Variants in PIK3R3 observed in about 807,000 individuals in gnomAD.
The protein encoded by PIK3R3 is phosphoinositide-3-kinase regulatory subunit 3.
PIK3R3 carries 64 observed loss-of-function variants against 62.9 expected under a neutral mutation model. The observed-to-expected ratio is 1.02, with a 90% confidence interval of 0.83 to 1.25. The LOEUF is 1.25. Among genes scored for constraint, PIK3R3 ranks in the 50% most tolerant of loss-of-function variants. The pLI is 0.00. For missense variants in PIK3R3, 614 were observed against 561.6 expected (o/e 1.09, Z -0.94); for synonymous variants, 165 against 189.0 (o/e 0.87, Z 1.04).
At chr1:46,148,743 GGAGAGAGAGAGAGAGAGA>G in the PIK3R3 span, among the ~76,000 whole-genome samples, 1 of 143,364 alleles carries the variant, frequency 7.0e-6, no homozygotes, top group South Asian at 2.3e-4. Context: ...CCAAGATTTT[GGAGAGAGAGAGAGAGAGA>G]GAGAGAGAGA....
At chr1:46,131,687 C>T (rs545499961) in intron 1 of PIK3R3, 160 bp downstream of exon 1, 22 of 503,726 alleles carry the variant, frequency 4.4e-5, no homozygotes, top group South Asian at 3.0e-4. Flanking sequence ...AAACTTTAAA[C>T]GTGTAAACCA....
chr1:46,125,338 C>A (rs769356605), intron 1 of PIK3R3, among the ~76,000 whole-genome samples: 3 of 151,842 alleles, frequency 2.0e-5, no homozygotes, highest in East Asian at 1.9e-4. Flanking sequence ...TTGTCCCAAA[C>A]GACAATATCA....
At position 46,066,933 on chromosome 1, in the gene PIK3R3, T is replaced by TAC. The variant is rs1359219197; in HGVS notation, c.471_472dup (p.Tyr158CysfsTer13). ...TACCTGTTGGTATCTGGACACTGGGTACATCAGCTTCACATCAAGTTTGGG... is the reference window on the plus strand; with the variant it reads ...TACCTGTTGGTATCTGGACACTGGGTACACATCAGCTTCACATCAAGTTTGGG... On this transcript the variant is annotated frameshift_variant, in exon 4 of 10. Transcript: ENST00000262741. LOFTEE classifies it high-confidence loss of function. 1 of 1,613,650 alleles carries TAC rather than the reference T, an allele frequency of 6.2e-7. No individual in the cohort carries two copies. Among genetic ancestry groups the TAC allele is most frequent in the East Asian group, 2.2e-5 (1 of 44,838 alleles).
At chr1:46,105,272 G>T in intron 1 of PIK3R3, 1 of 296,606 alleles carries the variant, frequency 3.4e-6, no homozygotes, top group Non-Finnish European at 6.3e-6. Context: ...GGGAGGCCGA[G>T]GAGGGCAGAT....
intron 6 of PIK3R3, 25 bp from the exon 7 acceptor site, chr1:46,055,996 G>A (rs1480268635): frequency 6.7e-7 from 1 of 1,500,922 alleles, no homozygotes. Flanking sequence ...GACATGTTAA[G>A]GCTAAAATAG....
chr1:46,085,656 G>T (rs1030675554), intron 1 of PIK3R3, among the ~76,000 whole-genome samples: 3 of 152,142 alleles, frequency 2.0e-5, no homozygotes, highest in African/African-American at 7.2e-5. Flanking sequence ...AAATCATTAA[G>T]CTTTTAAGTA....
At chr1:46,120,595 C>A (rs1313242541) in intron 1 of PIK3R3, among the ~76,000 whole-genome samples, 1 of 152,088 alleles carries the variant, frequency 6.6e-6, no homozygotes, top group African/African-American at 2.4e-5. Flanking sequence ...AATGAGAATG[C>A]ATTTCCCACA....
At chr1:46,101,388 CGGGAGGCTGA>C (rs1557610378) in intron 1 of PIK3R3, among the ~76,000 whole-genome samples, 3 of 151,796 alleles carry the variant, frequency 2.0e-5, no homozygotes, top group Admixed American at 6.6e-5. Context: ...CACAGCTACT[CGGGAGGCTGA>C]GGGAGGCTGA....
chr1:46,088,623 T>C lies in PIK3R3; in HGVS notation c.107-7873A>G, dbSNP rs185605426. ...ACAAAGAGAGAAAGTAATGAAAAAATAGGAGAAAGATAAGAGAATCAGAGG... is the reference window on the plus strand; with the variant it reads ...ACAAAGAGAGAAAGTAATGAAAAAACAGGAGAAAGATAAGAGAATCAGAGG... On this transcript the variant is annotated intron_variant, in intron 1 of 9. Transcript: ENST00000262741. Among the ~76,000 whole-genome samples the C allele has an allele frequency of 1.7e-4, 25 of 151,332 alleles. 1 individual carries two copies. The East Asian group carries it at 4.7e-3, about 28-fold the overall frequency.
At chr1:46,138,494 C>T in the PIK3R3 span, among the ~76,000 whole-genome samples, 1 of 141,614 alleles carries the variant, frequency 7.1e-6, no homozygotes, top group Non-Finnish European at 1.6e-5. Flanking sequence ...ATCCCTGTCT[C>T]TACAAAATTA....
rs1647060198 is a variant in PIK3R3 at position 46,044,488 on chromosome 1, CTTT to C, written c.1188-620_1188-618del. On this transcript the variant is annotated intron_variant, in intron 9 of 9. Coordinates refer to ENST00000262741, the MANE Select transcript of PIK3R3 (RefSeq NM_003629.4). The surrounding 1 kb of genome is among the most constrained non-coding windows in gnomAD (Gnocchi z 4.2). Reference sequence around the variant, plus strand: ...AGCGACTGGGCTTACTGCCTTCCTTCTTTTTATTATTCTTAGAAGATCCTAAGT... The same window carrying C: ...AGCGACTGGGCTTACTGCCTTCCTTCTTATTATTCTTAGAAGATCCTAAGT... Among the ~76,000 whole-genome samples, 1 of 152,158 alleles carries C rather than the reference CTTT, an allele frequency of 6.6e-6. No homozygotes were observed. Among genetic ancestry groups the C allele is most frequent in the Non-Finnish European group, 1.5e-5 (1 of 68,036 alleles).
Position 46,100,405 on chromosome 1 carries a change from C to G in PIK3R3, c.107-19655G>C, listed in dbSNP as rs76354815. The stretch of plus-strand genomic sequence containing the variant: ...GTTTAGTCAGTCCATCATCTCCTTA[C>G]TCATCTTCAATGCTCACTGTCATGT... On this transcript the variant is annotated intron_variant, in intron 1 of 9. Transcript: ENST00000262741. 7.2e-3 allele frequency among the ~76,000 whole-genome samples: 1,091 copies of G among 152,250 alleles called. 15 individuals carry two copies. Among genetic ancestry groups the G allele is most frequent in the South Asian group, 0.018 (86 of 4,826 alleles).
At position 46,131,899 on chromosome 1, in the gene PIK3R3, C is replaced by T. The variant is rs935713048; in HGVS notation, c.54G>A (p.Val18=). 1.2e-6 allele frequency: 2 copies of T among 1,613,608 alleles called. No individual in the cohort carries two copies. Among genetic ancestry groups the T allele is most frequent in the Non-Finnish European group, 1.7e-6 (2 of 1,179,660 alleles). Residue 18 remains valine, a synonymous_variant, in exon 1 of 10, where the codon GTG becomes GTA. Transcript: ENST00000262741. ...TCAGTTCTGTCGAATAGGGCATCAT[C>T]ACCTCCCTCCAGTCTGCGTCATCGC... ...MDRDDADWRE[V]MMPYSTELIF...
At chr1:46,106,529 A>G (rs1191118319) in intron 1 of PIK3R3, among the ~76,000 whole-genome samples, 1 of 152,238 alleles carries the variant, frequency 6.6e-6, no homozygotes, top group Non-Finnish European at 1.5e-5. Flanking sequence ...CACTAACCAT[A>G]GTAAAAAATA....
At chr1:46,077,395 A>C in intron 3 of PIK3R3, 120 bp downstream of exon 3, 1 of 480,240 alleles carries the variant, frequency 2.1e-6, no homozygotes, top group Non-Finnish European at 3.7e-6. Context: ...AATTATGTAC[A>C]TAAATTAAAT....
upstream of PIK3R3, chr1:46,132,965 C>T (rs1026779960): frequency 1.8e-6 from 2 of 1,105,424 alleles, no homozygotes; most frequent in African/African-American, 1.7e-5. Context: ...GCCGGGAGCA[C>T]GCGAGCCAGG....
intron 1 of PIK3R3, among the ~76,000 whole-genome samples, chr1:46,089,300 A>T (rs1418382859): frequency 6.6e-6 from 1 of 152,234 alleles, no homozygotes; most frequent in Non-Finnish European, 1.5e-5. Context: ...TTTAGAGGGT[A>T]TGTTTAAGAA....
chr1:46,142,570 C>T, the PIK3R3 span, among the ~76,000 whole-genome samples: 7 of 151,976 alleles, frequency 4.6e-5, no homozygotes, highest in South Asian at 2.1e-4. Context: ...TGGTGGCGGG[C>T]GCCTGTAGTC....
the PIK3R3 span, among the ~76,000 whole-genome samples, chr1:46,145,456 C>T: frequency 6.6e-6 from 1 of 152,120 alleles, no homozygotes; most frequent in Non-Finnish European, 1.5e-5. Flanking sequence ...CTGGTGAGAG[C>T]CTCATGCTGC....
Sources: gnomAD v4.1 joint callset for allele counts (sites outside exome capture counted in the v4.1 genomes callset) on GRCh38, gnomAD v4.1.1 for gene constraint, Gnocchi (gnomAD v3.1) non-coding constraint, MANE v1.5 for transcripts, NCBI Gene and HGNC (gene_info 2026-07-23, HGNC 2026-07-21) for gene names.